Variants in CCDC158 observed in about 807,000 individuals in gnomAD.
CCDC158 encodes the protein coiled-coil domain containing 158, also known as coiled-coil domain-containing protein 158.
CCDC158 carries 116 observed loss-of-function variants against 138.6 expected under a neutral mutation model. That is an observed-to-expected ratio of 0.84 (90% CI 0.72 to 0.98). CCDC158 has a LOEUF of 0.98. Among genes scored for constraint, CCDC158 ranks in the 50% least tolerant of loss-of-function variants. The pLI is 0.00. For missense variants in CCDC158, 1,265 were observed against 1,306.1 expected, an observed-to-expected ratio of 0.97 and a Z score of 0.48; for synonymous variants, 436 against 442.4, an observed-to-expected ratio of 0.99 and a Z score of 0.18.
intron 2 of CCDC158, among the ~76,000 whole-genome samples, chr4:76,408,719 G>T (rs1354016362): frequency 6.6e-6 from 1 of 152,152 alleles, no homozygotes; most frequent in African/African-American, 2.4e-5. Flanking sequence ...GGATGGCTGG[G>T]TCAAATGGTA....
rs139973640 is a variant in CCDC158, at chr4:76,354,853, C to T, written c.2286+471G>A. Among the ~76,000 whole-genome samples the T allele has an allele frequency of 1.8e-3, 278 of 152,298 alleles. 1 individual carries two copies. Among genetic ancestry groups the T allele is most frequent in the Middle Eastern group, 6.8e-3 (2 of 294 alleles). On this transcript the variant is annotated intron_variant, in intron 15 of 24. Coordinates refer to ENST00000682701, the MANE Select transcript of CCDC158 (RefSeq NM_001394954.1). ...TTCAGGTCATTTTCAAGACAAAGAG[C>T]TATACTTATTGTTGTATTTATATAT...
At chr4:76,379,930 T>C (rs1260125529) in intron 8 of CCDC158, among the ~76,000 whole-genome samples, 1 of 152,080 alleles carries the variant, frequency 6.6e-6, no homozygotes. Context: ...CATCTGATGG[T>C]TTAAAAGTAT....
At chr4:76,359,387 T>G (rs897222856) in intron 13 of CCDC158, among the ~76,000 whole-genome samples, 1 of 152,078 alleles carries the variant, frequency 6.6e-6, no homozygotes, top group East Asian at 1.9e-4. Context: ...CAGATACAGG[T>G]TGTAACAGTT....
chr4:76,408,343 C>G (rs908188770), intron 2 of CCDC158, among the ~76,000 whole-genome samples: 3 of 152,072 alleles, frequency 2.0e-5, no homozygotes, highest in Admixed American at 6.6e-5. Context: ...CCGCTCCCCC[C>G]ACCCCACAAC....
intron 1 of CCDC158, among the ~76,000 whole-genome samples, chr4:76,419,899 C>T (rs528858764): frequency 6.7e-6 from 1 of 148,388 alleles, no homozygotes; most frequent in African/African-American, 2.5e-5. Flanking sequence ...TCACAAGAGG[C>T]CCTGTTTAAT....
At chr4:76,376,734 T>C (rs1185029790) in intron 9 of CCDC158, among the ~76,000 whole-genome samples, 1 of 152,188 alleles carries the variant, frequency 6.6e-6, no homozygotes, top group Non-Finnish European at 1.5e-5. Flanking sequence ...CATCTCTCAG[T>C]GCTCCCTGAC....
chr4:76,360,578 T>C (rs942545525), intron 13 of CCDC158, among the ~76,000 whole-genome samples: 1 of 152,344 alleles, frequency 6.6e-6, no homozygotes, highest in African/African-American at 2.4e-5. Context: ...ATGTGAGACA[T>C]GGAGTCAAAG....
intron 4 of CCDC158, among the ~76,000 whole-genome samples, chr4:76,388,706 C>T (rs1477949667): frequency 2.0e-5 from 3 of 152,142 alleles, no homozygotes; most frequent in Admixed American, 2.0e-4. Flanking sequence ...CAGGGCAGTG[C>T]TGACTTCAGG....
In CCDC158 at chr4:76,396,297, A is replaced by T; in HGVS notation, c.260T>A (p.Val87Asp). ...ERVLEEYSHQ[V>D]KDLQRRLNES... ...ATTTAGTCTTCTCTGTAAATCTTTG[A>T]CTTGATGTGAATATTCTTCCAAAAC... Residue 87 changes from valine (V) to aspartate (D), a missense_variant, in exon 4 of 25, where the codon GTC (valine) becomes GAC (aspartate). Val to Asp is a radical substitution (Grantham distance 152). Coordinates refer to ENST00000682701, the MANE Select transcript of CCDC158 (RefSeq NM_001394954.1). 1 of 1,613,346 alleles carries T rather than the reference A, an allele frequency of 6.2e-7. No individual in the cohort carries two copies. Among genetic ancestry groups the T allele is most frequent in the Non-Finnish European group, 8.5e-7 (1 of 1,179,670 alleles).
At chr4:76,323,466 A>C (rs575700475) in intron 23 of CCDC158, 57 bp from the exon 24 acceptor site, 1 of 1,320,936 alleles carries the variant, frequency 7.6e-7, no homozygotes, top group East Asian at 2.5e-5. Flanking sequence ...TTCCTTTTAG[A>C]AATCTTTGAA....
chr4:76,333,921 C>G, intron 19 of CCDC158, 89 bp downstream of exon 19: 1 of 929,724 alleles, frequency 1.1e-6, no homozygotes, highest in Non-Finnish European at 1.5e-6. Context: ...TCATTTAAAC[C>G]TCACCCTCCC....
rs559688508 is a variant in CCDC158 at position 76,376,166 on chromosome 4, A to G, written c.1029+3124T>C. ...TCTCTCAGCCTCAAGCTATCCTCCC[A>G]TCTTAGCCTTTCTAGTAGCGAGAAC... On this transcript the variant is annotated intron_variant, in intron 9 of 24. Transcript: ENST00000682701. 2.2e-4 allele frequency among the ~76,000 whole-genome samples: 34 copies of G among 151,796 alleles called. No individual in the cohort carries two copies. The South Asian group carries it at 6.8e-3, about 31-fold the overall frequency.
intron 13 of CCDC158, among the ~76,000 whole-genome samples, chr4:76,361,762 C>T (rs1724170395): frequency 6.6e-6 from 1 of 151,638 alleles, no homozygotes. Flanking sequence ...CTATTTGACT[C>T]CAAGGACTCA....
chr4:76,337,942 G>A (rs1043352075), intron 18 of CCDC158, among the ~76,000 whole-genome samples: 1 of 152,192 alleles, frequency 6.6e-6, no homozygotes, highest in Non-Finnish European at 1.5e-5. Context: ...TGGTCTGTGA[G>A]GAATGGGGCC....
intron 3 of CCDC158, among the ~76,000 whole-genome samples, chr4:76,398,996 T>A (rs1281687003): frequency 6.6e-6 from 1 of 152,238 alleles, no homozygotes; most frequent in African/African-American, 2.4e-5. Flanking sequence ...ACACATTAGA[T>A]AATACTGTAT....
chr4:76,379,260 T>C (rs1481203224), intron 9 of CCDC158, 30 bp downstream of exon 9: 3 of 1,346,294 alleles, frequency 2.2e-6, no homozygotes, highest in Admixed American at 2.0e-5. Flanking sequence ...TTAAAGTCTC[T>C]AGAAACAGAC....
chr4:76,382,890 C>A (rs1453713924), intron 7 of CCDC158, among the ~76,000 whole-genome samples, 170 bp from the exon 8 acceptor site: 4 of 152,130 alleles, frequency 2.6e-5, no homozygotes, highest in Admixed American at 6.5e-5. Context: ...ACCCTTTATC[C>A]AAATCTTTTG....
intron 18 of CCDC158, chr4:76,345,219 C>A: frequency 1.1e-6 from 1 of 933,426 alleles, no homozygotes; most frequent in Non-Finnish European, 1.8e-6. Context: ...AGTAGAGGGT[C>A]AAGTTTCATC....
chr4:76,356,156 A>G (rs1578956269), intron 14 of CCDC158, among the ~76,000 whole-genome samples: 1 of 152,164 alleles, frequency 6.6e-6, no homozygotes, highest in African/African-American at 2.4e-5. Context: ...AAAATATACC[A>G]TTCATTATAA....
Sources: gnomAD v4.1 joint callset for allele counts (sites outside exome capture counted in the v4.1 genomes callset) on GRCh38, gnomAD v4.1.1 for gene constraint, MANE v1.5 for transcripts, NCBI Gene and HGNC (gene_info 2026-07-23, HGNC 2026-07-21) for gene names.